IL22RA2: variants seen among roughly 807,000 people sequenced by gnomAD.
The protein encoded by IL22RA2 is interleukin-22 receptor subunit alpha-2.
In IL22RA2, 39 loss-of-function variants were observed where a neutral mutation model predicts 30.7. That is an observed-to-expected ratio of 1.27 (90% CI 0.98 to 1.66). The LOEUF is 1.66. Among genes scored for constraint, IL22RA2 ranks in the 40% most tolerant of loss-of-function variants. IL22RA2 has a pLI of 0.00. For synonymous variants in IL22RA2, 103 were observed against 105.0 expected (o/e 0.98, Z 0.11); for missense variants, 315 against 312.7 (o/e 1.01, Z -0.05).
intron 5 of IL22RA2, among the ~76,000 whole-genome samples, chr6:137,153,680 A>T (rs1331000182): frequency 6.6e-6 from 1 of 152,226 alleles, no homozygotes; most frequent in Admixed American, 6.5e-5. Context: ...GTCTAGGGTG[A>T]TTCATTCTGA....
rs573634694 is a variant in IL22RA2, at chr6:137,173,052, CAA to C, written c.-66+359_-66+360del. Among the ~76,000 whole-genome samples, 165 of 152,056 alleles carry C rather than the reference CAA, an allele frequency of 1.1e-3. 1 individual carries two copies. The highest frequency in any genetic ancestry group is 1.9e-3 in the Non-Finnish European group (128 of 67,992). ...TGTATGTACTTAAAATTGTTCATAA[CAA>C]AGAAAAAAGATTTTTAAAGTTTATC... On this transcript the variant is annotated intron_variant, in intron 1 of 6. Coordinates refer to ENST00000296980, the MANE Select transcript of IL22RA2 (RefSeq NM_052962.3).
chr6:137,156,010 C>T (rs1051261809), intron 4 of IL22RA2, among the ~76,000 whole-genome samples: 8 of 152,078 alleles, frequency 5.3e-5, no homozygotes, highest in Non-Finnish European at 8.8e-5. Context: ...GTGTTGCCTA[C>T]CCAACATACA....
At chr6:137,149,766 C>T (rs1778251922) in intron 5 of IL22RA2, among the ~76,000 whole-genome samples, 1 of 152,196 alleles carries the variant, frequency 6.6e-6, no homozygotes, top group Admixed American at 6.5e-5. Context: ...TTGTACCTGC[C>T]TACCTTTCCA....
At position 137,147,822 on chromosome 6, in the gene IL22RA2, G is replaced by T. The variant is rs75248436; in HGVS notation, c.542C>A (p.Pro181Gln). 1,888 of 1,613,376 alleles carry T rather than the reference G, an allele frequency of 1.2e-3. 17 individuals are homozygous for T. The African/African-American group carries it at 0.022, about 18-fold the overall frequency. The change falls in exon 6 of 7, where the codon CCA (proline) becomes CAA (glutamine). Residue 181 changes from proline to glutamine, a missense_variant. Transcript: ENST00000296980. ...NGSLLVILHA[P>Q]NLPYRYQKEK... ...CTTTTGGTATCTATATGGTAAATTT[G>T]GAGCATGGAGAATTACCAACAAAGA...
chr6:137,155,519 T>TAA (rs1778386787), intron 4 of IL22RA2, among the ~76,000 whole-genome samples: 1 of 149,998 alleles, frequency 6.7e-6, no homozygotes, highest in African/African-American at 2.4e-5. Flanking sequence ...CATATATATA[T>TAA]AAAATATAAA....
chr6:137,153,199 CT>C (rs1562269396), intron 5 of IL22RA2, among the ~76,000 whole-genome samples: 1 of 152,046 alleles, frequency 6.6e-6, no homozygotes, highest in Non-Finnish European at 1.5e-5. Context: ...CAATACATTG[CT>C]TATGACAAAG....
At chr6:137,169,037 G>T (rs1344552793) in intron 1 of IL22RA2, among the ~76,000 whole-genome samples, 1 of 152,186 alleles carries the variant, frequency 6.6e-6, no homozygotes, top group Non-Finnish European at 1.5e-5. Context: ...GAGATCAATG[G>T]CCCTGGGAAG....
intron 5 of IL22RA2, among the ~76,000 whole-genome samples, chr6:137,153,634 A>G (rs1778339639): frequency 6.6e-6 from 1 of 152,194 alleles, no homozygotes; most frequent in South Asian, 2.1e-4. Context: ...GCCTCATGCC[A>G]TTTAACTAAC....
At chr6:137,167,106 T>G (rs1778641522) in intron 1 of IL22RA2, among the ~76,000 whole-genome samples, 1 of 152,266 alleles carries the variant, frequency 6.6e-6, no homozygotes, top group African/African-American at 2.4e-5. Flanking sequence ...AGATTTCGAC[T>G]GCCTCTAACT....
At chr6:137,167,900 A>G (rs1330721788) in intron 1 of IL22RA2, among the ~76,000 whole-genome samples, 2 of 152,226 alleles carry the variant, frequency 1.3e-5, no homozygotes, top group East Asian at 3.9e-4. Context: ...TGACTAGTCT[A>G]TGCATGGCTG....
intron 6 of IL22RA2, among the ~76,000 whole-genome samples, chr6:137,146,783 AG>A (rs1778188997): frequency 6.6e-6 from 1 of 152,136 alleles, no homozygotes; most frequent in African/African-American, 2.4e-5. Flanking sequence ...AGTTGATCCC[AG>A]GAGTTTAAGA....
intron 1 of IL22RA2, among the ~76,000 whole-genome samples, chr6:137,162,977 C>A (rs758881810): frequency 2.6e-5 from 4 of 152,086 alleles, no homozygotes; most frequent in Non-Finnish European, 5.9e-5. Context: ...TGTGACCCCC[C>A]ACCTTACACT....
At chr6:137,153,300 C>G (rs979425810) in intron 5 of IL22RA2, among the ~76,000 whole-genome samples, 2 of 152,170 alleles carry the variant, frequency 1.3e-5, no homozygotes, top group South Asian at 2.1e-4. Flanking sequence ...AAATCCATGA[C>G]TTTATAGGAA....
intron 2 of IL22RA2, among the ~76,000 whole-genome samples, chr6:137,159,135 A>G (rs1778468203): frequency 6.6e-6 from 1 of 152,186 alleles, no homozygotes; most frequent in Non-Finnish European, 1.5e-5. Flanking sequence ...GAGACTAATC[A>G]TGGCATGGCA....
In IL22RA2 at chr6:137,147,846, G is replaced by A. The variant is rs771965917; in HGVS notation, c.518C>T (p.Ser173Phe). Residue 173 changes from serine to phenylalanine, a missense_variant, in exon 6 of 7, where the codon TCT becomes TTT. Coordinates refer to ENST00000296980, the MANE Select transcript of IL22RA2 (RefSeq NM_052962.3). ...TGGAGCATGGAGAATTACCAACAAA[G>A]AGCCATTGACTTGGGTTATATTCAT... ...PVMNITQVNG[S>F]LLVILHAPNL... 11 of 1,612,984 alleles carry A rather than the reference G, an allele frequency of 6.8e-6. No homozygotes were observed. The East Asian group carries it at 2.5e-4, about 36-fold the overall frequency.
In IL22RA2 at chr6:137,165,067, G is replaced by T. The variant is rs1778601583; in HGVS notation, c.-65-3253C>A. Among the ~76,000 whole-genome samples, 5 of 152,292 alleles carry T rather than the reference G, an allele frequency of 3.3e-5. No individual in the cohort carries two copies. The South Asian group carries it at 8.3e-4, about 25-fold the overall frequency. ...GCATCTTCAAGCACAGGAGATATCA[G>T]GCAGTATACACAACAAGCACTCCTG... On this transcript the variant is annotated intron_variant, in intron 1 of 6. Transcript: ENST00000296980.
chr6:137,158,542 A>G, intron 2 of IL22RA2, 60 bp from the exon 3 acceptor site: 12 of 1,558,740 alleles, frequency 7.7e-6, no homozygotes, highest in Non-Finnish European at 9.7e-6. Context: ...TGTTCCCAGC[A>G]GTAGTTTTCA....
intron 1 of IL22RA2, among the ~76,000 whole-genome samples, chr6:137,169,738 T>G (rs1172487523): frequency 6.6e-6 from 1 of 152,210 alleles, no homozygotes; most frequent in East Asian, 1.9e-4. Flanking sequence ...GCCTGAGCCT[T>G]AGACTTGCTA....
intron 6 of IL22RA2, among the ~76,000 whole-genome samples, chr6:137,147,412 T>TA (rs1035411368): frequency 6.7e-5 from 10 of 148,760 alleles, no homozygotes; most frequent in Admixed American, 2.0e-4. Context: ...AATAAATAAA[T>TA]AAGGTGTGCA....
Sources: gnomAD v4.1 joint callset for allele counts (sites outside exome capture counted in the v4.1 genomes callset) on GRCh38, gnomAD v4.1.1 for gene constraint, MANE v1.5 for transcripts, NCBI Gene and HGNC (gene_info 2026-07-23, HGNC 2026-07-21) for gene names.